The following FRAS1 variants were observed in gnomAD, a reference collection of about 807,000 sequenced individuals.
The protein encoded by FRAS1 is extracellular matrix organizing protein FRAS1.
Under a neutral mutation model 435.2 loss-of-function variants are expected in FRAS1, and 290 were observed. That is an observed-to-expected ratio of 0.67 (90% confidence interval 0.61 to 0.73). The LOEUF (loss-of-function observed/expected upper bound fraction) is 0.73. Among genes scored for constraint, FRAS1 ranks in the 30% least tolerant of loss-of-function variants. The pLI is 0.00. For missense variants in FRAS1, 4,860 were observed against 5,001.5 expected, an observed-to-expected ratio of 0.97 and a Z score of 0.85; for synonymous variants, 1,800 against 1,851.0, an observed-to-expected ratio of 0.97 and a Z score of 0.71.
intron 2 of FRAS1, among the ~76,000 whole-genome samples, chr4:78,218,164 T>C (rs1230322190): frequency 7.3e-6 from 1 of 137,716 alleles, no homozygotes; most frequent in Non-Finnish European, 1.5e-5. Flanking sequence ...TTTTACCAAA[T>C]GAAGTATGAT....
At chr4:78,150,479 T>C (rs1256553821) in intron 2 of FRAS1, among the ~76,000 whole-genome samples, 1 of 152,210 alleles carries the variant, frequency 6.6e-6, no homozygotes, top group Admixed American at 6.5e-5. Context: ...GTTAAGATGT[T>C]ATCTTTTTTT....
At chr4:78,427,194 G>C (rs369634283) in intron 35 of FRAS1, among the ~76,000 whole-genome samples, 79 of 152,220 alleles carry the variant, frequency 5.2e-4, no homozygotes, top group African/African-American at 1.8e-3. Flanking sequence ...GAGGGGAGCT[G>C]GTGGCTTTCT....
intron 27 of FRAS1, among the ~76,000 whole-genome samples, 182 bp downstream of exon 27, chr4:78,380,178 C>T (rs1230507318): frequency 2.0e-5 from 3 of 152,150 alleles, no homozygotes; most frequent in African/African-American, 4.8e-5. Context: ...GCTCAAAGAG[C>T]GTGCATCTGT....
chr4:78,308,942 A>G (rs1273457470), intron 15 of FRAS1, among the ~76,000 whole-genome samples: 2 of 152,218 alleles, frequency 1.3e-5, no homozygotes, highest in Admixed American at 6.5e-5. Context: ...GTTCCCTTGA[A>G]TGGCAAAGAG....
intron 2 of FRAS1, among the ~76,000 whole-genome samples, chr4:78,195,052 G>T (rs968191523): frequency 5.9e-5 from 9 of 152,198 alleles, no homozygotes; most frequent in African/African-American, 2.2e-4. Flanking sequence ...GACCCTGTTT[G>T]CCTGGGTATC....
At chr4:78,190,043 C>A (rs997707239) in intron 2 of FRAS1, among the ~76,000 whole-genome samples, 1 of 152,226 alleles carries the variant, frequency 6.6e-6, no homozygotes, top group Non-Finnish European at 1.5e-5. Flanking sequence ...CCTTTCCTGG[C>A]CGCAGAAAAC....
intron 2 of FRAS1, among the ~76,000 whole-genome samples, chr4:78,203,224 A>G (rs1167697342): frequency 1.3e-5 from 2 of 152,188 alleles, no homozygotes; most frequent in Non-Finnish European, 2.9e-5. Context: ...AATAAGTGTG[A>G]TAAAATGGGG....
chr4:78,291,467 G>A (rs1442839133), intron 14 of FRAS1, among the ~76,000 whole-genome samples: 1 of 152,130 alleles, frequency 6.6e-6, no homozygotes, highest in Non-Finnish European at 1.5e-5. Flanking sequence ...CCTGTTGTGT[G>A]GCCCAGTTTC....
At chr4:78,446,077 A>G in intron 42 of FRAS1, 2 of 1,109,726 alleles carry the variant, frequency 1.8e-6, no homozygotes, top group Non-Finnish European at 1.1e-6. Context: ...ATTTTACTGC[A>G]TTTATTTATT....
chr4:78,088,931 A>G (rs1184657077), intron 2 of FRAS1, among the ~76,000 whole-genome samples: 1 of 152,210 alleles, frequency 6.6e-6, no homozygotes, highest in Non-Finnish European at 1.5e-5. Context: ...ATTACTGGGT[A>G]TATACCCAAA....
intron 18 of FRAS1, among the ~76,000 whole-genome samples, chr4:78,321,610 G>A (rs766177818): frequency 1.4e-4 from 21 of 152,240 alleles, no homozygotes; most frequent in Admixed American, 5.2e-4. Context: ...TTGGGAGGCC[G>A]AGGCAGGTGG....
chr4:78,143,882 T>A (rs1180217603), intron 2 of FRAS1, among the ~76,000 whole-genome samples: 1 of 138,420 alleles, frequency 7.2e-6, no homozygotes, highest in Admixed American at 7.8e-5. Context: ...CCAGCCTGGG[T>A]GATACAGTGA....
Position 78,317,583 on chromosome 4 carries a change from A to T in FRAS1, c.1960+75A>T, listed in dbSNP as rs1729330649. On this transcript the variant is annotated intron_variant, in intron 17 of 73. Transcript: ENST00000512123. ...AGATTTACTTTTTTCCAATAATATA[A>T]CTTTCCAGTGTAACTTTTCTTCTAG... 2.9e-6 allele frequency: 4 copies of T among 1,357,572 alleles called. No individual in the cohort carries two copies. In the South Asian group the frequency reaches 4.2e-5, roughly 14 times the overall value. The allele number at this position is 1,357,572 out of a possible 1,614,324, so 84.1% of individuals were successfully genotyped here.
At chr4:78,231,171 G>T (rs911260996) in intron 2 of FRAS1, among the ~76,000 whole-genome samples, 2 of 151,904 alleles carry the variant, frequency 1.3e-5, no homozygotes, top group African/African-American at 4.8e-5. Context: ...TGGCCAGGCT[G>T]GTCTCAAACT....
At position 78,475,456 on chromosome 4, in the gene FRAS1, G is replaced by A. The variant is rs79849142; in HGVS notation, c.7701G>A (p.Lys2567=). The part of the protein sequence containing the change: ...FKYTSYNVSE[K]AGSVSVTVQR... ...CTTCCAGCTACAATGTCAGTGAGAA[G>A]GCAGGGTCTGTCAGTGTCACGGTGC... The change falls in exon 54 of 74, where the codon AAG becomes AAA. Residue 2567 remains lysine, a synonymous_variant. Coordinates refer to ENST00000512123, the MANE Select transcript of FRAS1 (RefSeq NM_025074.7). 7,558 of 1,613,920 alleles carry A rather than the reference G, an allele frequency of 4.7e-3. 326 individuals are homozygous for A. In the African/African-American group the frequency reaches 0.085, roughly 18 times the overall value.
chr4:78,162,885 G>A (rs1243415300), intron 2 of FRAS1, among the ~76,000 whole-genome samples: 1 of 152,192 alleles, frequency 6.6e-6, no homozygotes, highest in African/African-American at 2.4e-5. Flanking sequence ...AAACAATAAG[G>A]TGGAATTATC....
At position 78,518,578 on chromosome 4, in the gene FRAS1, T is replaced by C. The variant is rs557547258; in HGVS notation, c.10390-753T>C. ...AAAAGCTTCTGCTACCATTCTGTTA[T>C]CTTTCCATCCAGTTTTGTTCATTAC... On this transcript the variant is annotated intron_variant, in intron 66 of 73. Transcript: ENST00000512123. Among the ~76,000 whole-genome samples the C allele has an allele frequency of 6.2e-4, 94 of 152,118 alleles. 1 individual carries two copies. The highest frequency in any genetic ancestry group is 8.5e-4 in the Non-Finnish European group (58 of 68,010).
chr4:78,116,172 T>G (rs1179199947), intron 2 of FRAS1, among the ~76,000 whole-genome samples: 1 of 152,208 alleles, frequency 6.6e-6, no homozygotes, highest in Admixed American at 6.5e-5. Context: ...AGTTCTAGTT[T>G]GATTGCCCTG....
chr4:78,129,746 C>G (rs1719589568), intron 2 of FRAS1, among the ~76,000 whole-genome samples: 1 of 152,156 alleles, frequency 6.6e-6, no homozygotes, highest in Non-Finnish European at 1.5e-5. Flanking sequence ...CTCACCTTCT[C>G]CTGCCTAAAA....
Sources: gnomAD v4.1 joint callset for allele counts (sites outside exome capture counted in the v4.1 genomes callset) on GRCh38, gnomAD v4.1.1 for gene constraint, MANE v1.5 for transcripts, NCBI Gene and HGNC (gene_info 2026-07-23, HGNC 2026-07-21) for gene names.